Variants in SUFU observed in about 807,000 individuals in gnomAD.
SUFU encodes the protein suppressor of fused homolog.
SUFU carries 7 observed loss-of-function variants against 58.9 expected under a neutral mutation model. The observed-to-expected ratio is 0.12, with a 90% CI of 0.07 to 0.22. The LOEUF (loss-of-function observed/expected upper bound fraction) is 0.22. SUFU is among the 10% of genes least tolerant of loss of function. The pLI, the probability that SUFU is intolerant of heterozygous loss-of-function variation, is 1.00. For missense variants in SUFU, 451 were observed against 641.3 expected, an observed-to-expected ratio of 0.70 and a Z score of 3.20; for synonymous variants, 232 against 254.8, an observed-to-expected ratio of 0.91 and a Z score of 0.85.
chr10:102,559,852 T>C (rs2063017840), intron 3 of SUFU, among the ~76,000 whole-genome samples: 1 of 152,212 alleles, frequency 6.6e-6, no homozygotes, highest in South Asian at 2.1e-4. Context: ...TTTGCGTTTT[T>C]AGGAAAAACG....
intron 3 of SUFU, among the ~76,000 whole-genome samples, chr10:102,555,401 T>G (rs2062965347): frequency 2.0e-5 from 3 of 149,850 alleles, no homozygotes; most frequent in Admixed American, 1.3e-4. Flanking sequence ...CGTCCCTGAA[T>G]CAGATATGCA....
At chr10:102,517,082 C>T (rs2062480113) in intron 2 of SUFU, among the ~76,000 whole-genome samples, 1 of 146,712 alleles carries the variant, frequency 6.8e-6, no homozygotes, top group East Asian at 2.1e-4. Flanking sequence ...GAGACTGCAT[C>T]ATTGCACTCT....
chr10:102,547,849 G>C (rs774730970), intron 2 of SUFU, among the ~76,000 whole-genome samples: 17 of 151,464 alleles, frequency 1.1e-4, no homozygotes, highest in Non-Finnish European at 2.5e-4. Flanking sequence ...GAGAGAGAAA[G>C]AAAGAGAGAA....
chr10:102,510,048 C>T (rs901426942), intron 2 of SUFU, among the ~76,000 whole-genome samples: 4 of 151,530 alleles, frequency 2.6e-5, no homozygotes, highest in Admixed American at 6.6e-5. Context: ...ACCATGTTGC[C>T]CAGGCTGGTC....
chr10:102,541,697 C>CTTTTTTTTTTTTTT (rs869264798), intron 2 of SUFU, among the ~76,000 whole-genome samples: 3 of 56,086 alleles, frequency 5.3e-5, no homozygotes, highest in Non-Finnish European at 6.2e-5. Context: ...CCGCGCCCGG[C>CTTTTTTTTTTTTTT]TTTTTTTTTT....
At chr10:102,627,136 T>C (rs1422373448) in intron 10 of SUFU, 39 bp from the exon 11 acceptor site, 3 of 1,609,160 alleles carry the variant, frequency 1.9e-6, no homozygotes, top group Non-Finnish European at 2.6e-6. Context: ...GATCATACAT[T>C]TAAAAATAAT....
intron 3 of SUFU, among the ~76,000 whole-genome samples, chr10:102,584,147 T>G (rs991738541): frequency 5.9e-5 from 9 of 152,180 alleles, no homozygotes; most frequent in Non-Finnish European, 1.0e-4. Context: ...GTTAACAGGC[T>G]TAGATACTGT....
intron 2 of SUFU, among the ~76,000 whole-genome samples, chr10:102,512,160 A>G (rs1378032791): frequency 6.6e-6 from 1 of 152,166 alleles, no homozygotes; most frequent in Non-Finnish European, 1.5e-5. Flanking sequence ...AGCTGCCTTT[A>G]CAGCCTTCCA....
At chr10:102,531,084 A>C (rs1482252117) in intron 2 of SUFU, among the ~76,000 whole-genome samples, 4 of 1,456 alleles carry the variant, frequency 2.7e-3, no homozygotes, top group Admixed American at 0.036. Flanking sequence ...ATTTCTACCA[A>C]AAAAAAAAAA....
intron 3 of SUFU, among the ~76,000 whole-genome samples, chr10:102,585,757 G>A (rs936630892): frequency 6.6e-6 from 1 of 151,954 alleles, no homozygotes; most frequent in East Asian, 1.9e-4. Context: ...GGCCTCAAGC[G>A]ATCCTCTCAC....
At chr10:102,623,808 T>TGGTC (rs1418895789) in intron 10 of SUFU, among the ~76,000 whole-genome samples, 1 of 152,108 alleles carries the variant, frequency 6.6e-6, no homozygotes, top group Non-Finnish European at 1.5e-5. Flanking sequence ...GACATGGTGA[T>TGGTC]GGTCACCTGT....
At chr10:102,531,528 G>T (rs2062677785) in intron 2 of SUFU, among the ~76,000 whole-genome samples, 1 of 152,160 alleles carries the variant, frequency 6.6e-6, no homozygotes, top group Admixed American at 6.6e-5. Context: ...AGTCAGTGGG[G>T]TGTACAAAGG....
intron 3 of SUFU, among the ~76,000 whole-genome samples, chr10:102,586,210 A>G (rs1444650750): frequency 6.6e-6 from 1 of 152,032 alleles, no homozygotes; most frequent in East Asian, 1.9e-4. Context: ...TTCTTTGGAG[A>G]AATATATTCA....
chr10:102,615,367 C>T lies in SUFU; in HGVS notation c.1122C>T (p.Asn374=), dbSNP rs1590082264. ...TTGAGAGCGTACATCTGAAATTCAA[C>T]CAGGAGTCCGGAGCCCTCATTCCTC... is the stretch of plus-strand genomic sequence containing the variant. ...RQLESVHLKF[N]QESGALIPLC... Residue 374 remains asparagine, a synonymous_variant, in exon 9 of 12, where the codon AAC becomes AAT. Transcript: ENST00000369902. 7.4e-6 allele frequency: 12 copies of T among 1,614,122 alleles called. No homozygotes were observed. The highest frequency in any genetic ancestry group is 8.5e-6 in the Non-Finnish European group (10 of 1,179,992).
chr10:102,631,570 C>T lies in SUFU; in HGVS notation c.*1415C>T, dbSNP rs576729639. 4.3e-6 allele frequency: 1 copy of T among 233,562 alleles called. No individual in the cohort carries two copies. The highest frequency in any genetic ancestry group is 2.2e-5 in the African/African-American group (1 of 45,486). 14.5% of individuals were successfully genotyped at this position (233,562 alleles called of 1,614,324 possible). ...TCTTTACACCTCTTCAAAGCAAAGT[C>T]ATGACAATGCAGGGCTCCTCATTGC... On this transcript the variant is annotated 3_prime_UTR_variant, in exon 12 of 12. Coordinates refer to ENST00000369902, the MANE Select transcript of SUFU (RefSeq NM_016169.4).
rs1012482077 is a variant in SUFU, at chr10:102,625,404, T to C, written c.1297-1771T>C. Among the ~76,000 whole-genome samples the C allele has an allele frequency of 5.3e-5, 8 of 152,190 alleles. No individual in the cohort carries two copies. In the South Asian group the frequency reaches 6.2e-4, roughly 12 times the overall value. ...AGACGTGGACCAGTGGTCAGAGTTA[T>C]TTTGTTCCTGCTATGGGCTTGGAGC... On this transcript the variant is annotated intron_variant, in intron 10 of 11. Coordinates refer to ENST00000369902, the MANE Select transcript of SUFU (RefSeq NM_016169.4). The surrounding 1 kb of genome is among the most constrained non-coding windows in gnomAD (Gnocchi z 4.7).
intron 8 of SUFU, among the ~76,000 whole-genome samples, chr10:102,607,289 A>G (rs989357400): frequency 1.9e-4 from 29 of 151,998 alleles, no homozygotes; most frequent in African/African-American, 7.0e-4. Flanking sequence ...AGCTCAATCG[A>G]TTTTCCCACC....
rs796530160 is a variant in SUFU, at chr10:102,626,314, G to C, written c.1297-861G>C. Among the ~76,000 whole-genome samples, 3 of 152,200 alleles carry C rather than the reference G, an allele frequency of 2.0e-5. No individual in the cohort carries two copies. In the South Asian group the frequency reaches 6.2e-4, roughly 31 times the overall value. ...ATGGCCCAGCAGATTGAGGAAGGCC[G>C]GTTTTAGAGGGCCTGAGAGCCCTTG... On this transcript the variant is annotated intron_variant, in intron 10 of 11. Coordinates refer to ENST00000369902, the MANE Select transcript of SUFU (RefSeq NM_016169.4).
intron 3 of SUFU, among the ~76,000 whole-genome samples, chr10:102,563,633 C>T (rs2063060650): frequency 6.6e-6 from 1 of 151,718 alleles, no homozygotes; most frequent in Admixed American, 6.6e-5. Flanking sequence ...GATCATGCCA[C>T]TGCAGTGAGC....
Sources: gnomAD v4.1 joint callset for allele counts (sites outside exome capture counted in the v4.1 genomes callset) on GRCh38, gnomAD v4.1.1 for gene constraint, Gnocchi (gnomAD v3.1) non-coding constraint, MANE v1.5 for transcripts, NCBI Gene and HGNC (gene_info 2026-07-23, HGNC 2026-07-21) for gene names.